PPARA: variants seen among roughly 807,000 people sequenced by gnomAD.
The protein encoded by PPARA is peroxisome proliferator activated receptor alpha.
PPARA carries 22 observed loss-of-function variants against 42.2 expected under a neutral mutation model. The ratio of observed to expected loss-of-function variants is 0.52; its 90% CI spans 0.37 to 0.74. The LOEUF (loss-of-function observed/expected upper bound fraction) is 0.74. PPARA is among the 30% of genes least tolerant of loss of function. PPARA has a pLI of 0.00. For synonymous variants in PPARA, 242 were observed against 239.3 expected (o/e 1.01, Z -0.10); for missense variants, 465 against 608.2 (o/e 0.76, Z 2.48).
At position 46,231,999 on chromosome 22, in the gene PPARA, A is replaced by C. The variant is rs757913269; in HGVS notation, c.919A>C (p.Thr307Pro). 5.0e-6 allele frequency: 8 copies of C among 1,614,226 alleles called. No individual in the cohort carries two copies. The highest frequency in any genetic ancestry group is 5.9e-6 in the Non-Finnish European group (7 of 1,180,038). ...AAACTTGGACCTGAACGATCAAGTG[A>C]CATTGCTAAAATACGGAGTTTATGA... The part of the protein sequence containing the change: ...FANLDLNDQV[T>P]LLKYGVYEAI... The change falls in exon 8 of 9, where the codon ACA (threonine) becomes CCA (proline). Residue 307 changes from threonine to proline, a missense_variant. Coordinates refer to ENST00000407236, the MANE Select transcript of PPARA (RefSeq NM_005036.6). This position sits in a 1 kb window ranked among gnomAD's most constrained non-coding sequence, Gnocchi z 7.7.
chr22:46,160,602 TG>T lies in PPARA; in HGVS notation c.-127+8633del, dbSNP rs1361230395. ...TGAGCCACCGCACCTGGCCCAATATTGTTTGTTTATTTATTTCTTGACAGGA... is the reference window on the plus strand; with the variant it reads ...TGAGCCACCGCACCTGGCCCAATATTTTTGTTTATTTATTTCTTGACAGGA... On this transcript the variant is annotated intron_variant, in intron 2 of 8. Transcript: ENST00000407236. This position sits in a 1 kb window ranked among gnomAD's most constrained non-coding sequence, Gnocchi z 4.5. 6.6e-6 allele frequency among the ~76,000 whole-genome samples: 1 copy of T among 151,778 alleles called. No homozygotes were observed. The highest frequency in any genetic ancestry group is 1.5e-5 in the Non-Finnish European group (1 of 67,950).
chr22:46,220,064 T>A, intron 7 of PPARA, 50 bp downstream of exon 7: 1 of 1,587,728 alleles, frequency 6.3e-7, no homozygotes, highest in Non-Finnish European at 8.6e-7. Flanking sequence ...GGAACCAGTG[T>A]CGTAGAGGAC....
At position 46,219,878 on chromosome 22, in the gene PPARA, A is replaced by C; in HGVS notation, c.575A>C (p.Glu192Ala). Residue 192 changes from glutamate to alanine, a missense_variant, in exon 7 of 9, where the codon GAA becomes GCA. Physicochemically the swap from Glu to Ala is moderately radical, Grantham distance 107. Transcript: ENST00000407236. The surrounding 1 kb of genome is among the most constrained non-coding windows in gnomAD (Gnocchi z 4.8). ...AKLKAEILTC[E>A]HDIEDSETAD... ...CTGAAAGCAGAAATTCTTACCTGTG[A>C]ACATGACATAGAAGATTCTGAAACT... The C allele has an allele frequency of 6.2e-7, 1 of 1,614,232 alleles. No individual in the cohort carries two copies.
Position 46,211,239 on chromosome 22 carries a change from A to C in PPARA, c.209-3934A>C, listed in dbSNP as rs1184140161. Among the ~76,000 whole-genome samples the C allele has an allele frequency of 1.3e-5, 2 of 152,194 alleles. No homozygotes were observed. The highest frequency in any genetic ancestry group is 3.8e-4 in the East Asian group (2 of 5,196). ...GTGTGTGCTGATGTCTCCAGCCCTC[A>C]TCTGTTACCAGATGGATCGTTCTAG... On this transcript the variant is annotated intron_variant, in intron 4 of 8. Coordinates refer to ENST00000407236, the MANE Select transcript of PPARA (RefSeq NM_005036.6). The surrounding 1 kb of genome is among the most constrained non-coding windows in gnomAD (Gnocchi z 4.1).
chr22:46,206,162 C>G (rs563575444), intron 4 of PPARA, among the ~76,000 whole-genome samples: 2 of 152,008 alleles, frequency 1.3e-5, no homozygotes, highest in Non-Finnish European at 2.9e-5. Context: ...AGTGCAATGG[C>G]GCTATCTCGG....
rs1301970258 is a variant in PPARA, at chr22:46,234,267, AT to A, written c.1160-862del. On this transcript the variant is annotated intron_variant, in intron 8 of 8. Coordinates refer to ENST00000407236, the MANE Select transcript of PPARA (RefSeq NM_005036.6). This position sits in a 1 kb window ranked among gnomAD's most constrained non-coding sequence, Gnocchi z 5.8. ...TCACTAAAACAATACAAAAACAAGA[AT>A]TTTAGAAATAAAAACTTAATAATTA... Among the ~76,000 whole-genome samples the A allele has an allele frequency of 1.3e-5, 2 of 152,206 alleles. No homozygotes were observed. The highest frequency in any genetic ancestry group is 4.8e-5 in the African/African-American group (2 of 41,444).
intron 7 of PPARA, among the ~76,000 whole-genome samples, chr22:46,226,090 A>G (rs1439315949): frequency 6.6e-6 from 1 of 151,954 alleles, no homozygotes; most frequent in Non-Finnish European, 1.5e-5. Context: ...ATGTATATGC[A>G]CACACATACC....
In PPARA at chr22:46,180,528, G is replaced by A. The variant is rs1035247762; in HGVS notation, c.-43+3692G>A. Among the ~76,000 whole-genome samples the A allele has an allele frequency of 2.0e-5, 3 of 152,268 alleles. No individual in the cohort carries two copies. Among genetic ancestry groups the A allele is most frequent in the Admixed American group, 1.3e-4 (2 of 15,286 alleles). On this transcript the variant is annotated intron_variant, in intron 3 of 8. Coordinates refer to ENST00000407236, the MANE Select transcript of PPARA (RefSeq NM_005036.6). This position sits in a 1 kb window ranked among gnomAD's most constrained non-coding sequence, Gnocchi z 4.2. ...CCCTGCACAGCTGCAAGTTCACAAG[G>A]CAGATAAGCTTAAGCTGCAAAACAT... is the stretch of plus-strand genomic sequence containing the variant.
intron 7 of PPARA, among the ~76,000 whole-genome samples, chr22:46,228,922 G>A (rs965355225): frequency 1.3e-5 from 2 of 151,662 alleles, no homozygotes; most frequent in Admixed American, 6.6e-5. Context: ...GGCTAACACG[G>A]TGAAACCCCG....
At chr22:46,189,471 G>C (rs577185735) in intron 3 of PPARA, among the ~76,000 whole-genome samples, 22 of 152,180 alleles carry the variant, frequency 1.4e-4, no homozygotes, top group African/African-American at 4.6e-4. Flanking sequence ...TAAGTTTAAT[G>C]CTTTAGGTAT....
chr22:46,213,620 C>G (rs1334081286), intron 4 of PPARA, among the ~76,000 whole-genome samples: 2 of 149,096 alleles, frequency 1.3e-5, no homozygotes, highest in East Asian at 3.9e-4. Flanking sequence ...GATGAAGTCT[C>G]GCTCTGTCAC....
intron 4 of PPARA, among the ~76,000 whole-genome samples, chr22:46,206,290 G>A (rs1486451990): frequency 1.4e-5 from 2 of 145,862 alleles, no homozygotes; most frequent in East Asian, 1.9e-4. Flanking sequence ...GTGTGTGTGT[G>A]TATTTTTACT....
chr22:46,229,559 A>C (rs1266506319), intron 7 of PPARA, among the ~76,000 whole-genome samples: 1 of 135,494 alleles, frequency 7.4e-6, no homozygotes, highest in Non-Finnish European at 1.6e-5. Context: ...ACTCTGTCTC[A>C]AAAAAAAAAA....
intron 2 of PPARA, among the ~76,000 whole-genome samples, chr22:46,174,398 G>A (rs1928689656): frequency 6.6e-6 from 1 of 151,958 alleles, no homozygotes. Context: ...CAAATAAAAA[G>A]TTAAAAGGCA....
In PPARA at chr22:46,190,097, C is replaced by T. The variant is rs4253700; in HGVS notation, c.-42-8245C>T. 0.016 allele frequency among the ~76,000 whole-genome samples: 2,376 copies of T among 152,234 alleles called. 54 individuals carry two copies. Among genetic ancestry groups the T allele is most frequent in the African/African-American group, 0.054 (2,260 of 41,542 alleles). The stretch of plus-strand genomic sequence containing the variant: ...TTTATTCTGAAATGTTATTTTAAAT[C>T]TTAGCCCAACAAATTGAGCGAAAAG... On this transcript the variant is annotated intron_variant, in intron 3 of 8. Transcript: ENST00000407236. The surrounding 1 kb of genome is among the most constrained non-coding windows in gnomAD (Gnocchi z 5.6).
Position 46,185,944 on chromosome 22 carries a change from T to C in PPARA, c.-43+9108T>C, listed in dbSNP as rs1387825638. Among the ~76,000 whole-genome samples the C allele has an allele frequency of 1.6e-4, 8 of 50,284 alleles. 2 individuals are homozygous for C. The highest frequency in any genetic ancestry group is 4.8e-4 in the African/African-American group (7 of 14,570). The allele number at this position is 50,284 out of a possible 152,430, so 33.0% of individuals were successfully genotyped here. A position where few individuals can be genotyped will look rare whatever the true frequency, so the allele number is the denominator to read the frequency against. ...ATATATATATATATATATATATATA[T>C]ATATATATATATATATATATACACA... On this transcript the variant is annotated intron_variant, in intron 3 of 8. Coordinates refer to ENST00000407236, the MANE Select transcript of PPARA (RefSeq NM_005036.6).
chr22:46,194,366 T>C (rs983463465), intron 3 of PPARA, among the ~76,000 whole-genome samples: 66 of 152,164 alleles, frequency 4.3e-4, no homozygotes, highest in African/African-American at 1.6e-3. Context: ...TGTAAAACTT[T>C]GAAACTCCCT....
At position 46,162,112 on chromosome 22, in the gene PPARA, TAGC is replaced by T. The variant is rs1397698428; in HGVS notation, c.-127+10146_-127+10148del. ...AGGTGTAGGGTCCTCACCCACCACT[TAGC>T]AGCTCTCAGATGCAGACAGATTTTT... On this transcript the variant is annotated intron_variant, in intron 2 of 8. Transcript: ENST00000407236. This position sits in a 1 kb window ranked among gnomAD's most constrained non-coding sequence, Gnocchi z 6.0. 2.0e-5 allele frequency among the ~76,000 whole-genome samples: 3 copies of T among 152,168 alleles called. No homozygotes were observed. The highest frequency in any genetic ancestry group is 6.5e-5 in the Admixed American group (1 of 15,282).
intron 2 of PPARA, among the ~76,000 whole-genome samples, chr22:46,152,234 G>T (rs1924553849): frequency 6.6e-6 from 1 of 151,694 alleles, no homozygotes; most frequent in Non-Finnish European, 1.5e-5. Context: ...TGCCACTGGG[G>T]TTCAAGCGAT....
Sources: allele counts gnomAD v4.1 joint callset (sites outside exome capture counted in the v4.1 genomes callset), GRCh38; gene constraint gnomAD v4.1.1; non-coding constraint Gnocchi (gnomAD v3.1); transcripts MANE v1.5; gene names NCBI Gene and HGNC (gene_info 2026-07-23, HGNC 2026-07-21).